CDH2: variants seen among roughly 807,000 people sequenced by gnomAD.
The protein encoded by CDH2 is cadherin-2.
CDH2 carries 17 observed loss-of-function variants against 92.0 expected under a neutral mutation model. The ratio of observed to expected loss-of-function variants is 0.18; its 90% confidence interval spans 0.13 to 0.28. The LOEUF is 0.28. Ranked by LOEUF, CDH2 falls within the 10% of genes least tolerant of loss-of-function variation. The pLI is 1.00. For synonymous variants in CDH2, 419 were observed against 415.9 expected (o/e 1.01, Z -0.09); for missense variants, 862 against 1,133.1 (o/e 0.76, Z 3.44).
At chr18:27,976,034 T>A (rs917687595) in intron 14 of CDH2, among the ~76,000 whole-genome samples, 1 of 152,072 alleles carries the variant, frequency 6.6e-6, no homozygotes, top group African/African-American at 2.4e-5. Flanking sequence ...GGGCAGGCCA[T>A]AGGTAGTTTT....
intron 2 of CDH2, among the ~76,000 whole-genome samples, chr18:28,091,164 T>C (rs1011375128): frequency 2.0e-5 from 3 of 152,192 alleles, no homozygotes; most frequent in African/African-American, 7.2e-5. Flanking sequence ...GTAATAACTA[T>C]ATGATTGCAA....
intron 9 of CDH2, among the ~76,000 whole-genome samples, chr18:27,992,237 T>A (rs747950743): frequency 1.3e-5 from 2 of 152,168 alleles, no homozygotes; most frequent in African/African-American, 2.4e-5. Context: ...TTAATAGCTA[T>A]CAATGGTGAT....
chr18:28,034,692 AC>A lies in CDH2; in HGVS notation c.173-20784del, dbSNP rs200456385. On this transcript the variant is annotated intron_variant, in intron 2 of 15. Coordinates refer to ENST00000269141, the MANE Select transcript of CDH2 (RefSeq NM_001792.5). Reference sequence around the variant, plus strand: ...AAAACAACAACCACAATAAAAAAAAACAAAAACAAAAACAAAACTCAAGCTT... The same window carrying A: ...AAAACAACAACCACAATAAAAAAAAAAAAAACAAAAACAAAACTCAAGCTT... Among the ~76,000 whole-genome samples the A allele has an allele frequency of 8.2e-3, 1,246 of 151,940 alleles. 18 individuals carry two copies. Among genetic ancestry groups the A allele is most frequent in the African/African-American group, 0.029 (1,196 of 41,336 alleles).
intron 2 of CDH2, among the ~76,000 whole-genome samples, chr18:28,120,243 T>C (rs2015564517): frequency 6.6e-6 from 1 of 152,010 alleles, no homozygotes; most frequent in Non-Finnish European, 1.5e-5. Flanking sequence ...GGCACATTCA[T>C]ATGGGTCATA....
intron 2 of CDH2, among the ~76,000 whole-genome samples, chr18:28,144,833 C>T (rs1028114530): frequency 2.6e-5 from 4 of 152,028 alleles, no homozygotes; most frequent in East Asian, 1.9e-4. Flanking sequence ...AAAAAACACA[C>T]GGTTAAAAAC....
chr18:28,136,157 A>G (rs2015858377), intron 2 of CDH2, among the ~76,000 whole-genome samples: 1 of 152,228 alleles, frequency 6.6e-6, no homozygotes, highest in South Asian at 2.1e-4. Flanking sequence ...CCTGACTTAT[A>G]GGGTTTCAAA....
chr18:28,007,165 A>AAAAAAAAATATATATATATATATAT (rs1172779200), intron 5 of CDH2, among the ~76,000 whole-genome samples: 2 of 110,500 alleles, frequency 1.8e-5, no homozygotes, highest in South Asian at 2.9e-4. Flanking sequence ...ATAAAAAAAA[A>AAAAAAAAATATATATATATATATAT]ATATATATAT....
chr18:27,978,434 T>C (rs983807703), intron 14 of CDH2, among the ~76,000 whole-genome samples: 5 of 152,196 alleles, frequency 3.3e-5, no homozygotes, highest in African/African-American at 1.2e-4. Context: ...TATGGCAATG[T>C]AGCACCGCAA....
Position 27,953,242 on chromosome 18 carries a change from A to G in CDH2, c.2515-883T>C, listed in dbSNP as rs975176731. The stretch of plus-strand genomic sequence containing the variant: ...CTGGTTCTTATAAAGAATTTTAAGA[A>G]AAAAGAAACAAGGAAATAACTACTA... On this transcript the variant is annotated intron_variant, in intron 15 of 15. Transcript: ENST00000269141. Among the ~76,000 whole-genome samples, 24 of 152,326 alleles carry G rather than the reference A, an allele frequency of 1.6e-4. No individual in the cohort carries two copies. In the East Asian group the frequency reaches 3.7e-3, roughly 23 times the overall value.
At chr18:27,963,762 T>G (rs988313516) in intron 14 of CDH2, 1 of 465,966 alleles carries the variant, frequency 2.1e-6, no homozygotes, top group Admixed American at 3.4e-5. Flanking sequence ...CTCATCAGTT[T>G]CCAATGAAAA....
chr18:28,025,982 A>G (rs555992609), intron 2 of CDH2, among the ~76,000 whole-genome samples: 145 of 152,276 alleles, frequency 9.5e-4, no homozygotes, highest in Non-Finnish European at 1.6e-3. Context: ...CCTAATTAAT[A>G]TCTTAATCAT....
At chr18:28,090,215 A>G (rs1004719311) in intron 2 of CDH2, among the ~76,000 whole-genome samples, 1 of 152,220 alleles carries the variant, frequency 6.6e-6, no homozygotes, top group Admixed American at 6.5e-5. Context: ...GTTGACTAAG[A>G]CAATGCCTAT....
At position 27,992,858 on chromosome 18, in the gene CDH2, C is replaced by T. The variant is rs757461376; in HGVS notation, c.1159-18G>A. On this transcript the variant is annotated intron_variant, in intron 8 of 15. Transcript: ENST00000269141. ...CCATAAAACTGCGAGAAAGACAAAC[C>T]TCAGTCAGAGGAGGGGCATGGACCA... The T allele has an allele frequency of 6.2e-7, 1 of 1,606,814 alleles. No homozygotes were observed. Among genetic ancestry groups the T allele is most frequent in the South Asian group, 1.1e-5 (1 of 90,106 alleles).
intron 14 of CDH2, among the ~76,000 whole-genome samples, chr18:27,979,753 G>A: frequency 9.6e-6 from 1 of 104,076 alleles, no homozygotes; most frequent in South Asian, 4.0e-4. Flanking sequence ...TCAAAAACAG[G>A]GGGTGCTAAT....
Position 27,952,926 on chromosome 18 carries a change from G to A in CDH2, c.2515-567C>T, listed in dbSNP as rs183537449. On this transcript the variant is annotated intron_variant, in intron 15 of 15. Transcript: ENST00000269141. The stretch of plus-strand genomic sequence containing the variant: ...AAATTCACATCAGCATTAAGAGCTA[G>A]GAGTTCAAAGAGAAAGTAGCATTGT... 5.3e-3 allele frequency among the ~76,000 whole-genome samples: 808 copies of A among 152,202 alleles called. 4 individuals carry two copies. Among genetic ancestry groups the A allele is most frequent in the African/African-American group, 0.018 (760 of 41,526 alleles).
At chr18:28,160,029 G>A (rs887139435) in intron 1 of CDH2, among the ~76,000 whole-genome samples, 1 of 152,098 alleles carries the variant, frequency 6.6e-6, no homozygotes, top group Non-Finnish European at 1.5e-5. Flanking sequence ...AGTTGGAGAG[G>A]TGGCTTTTAA....
chr18:28,046,930 T>C (rs2014088176), intron 2 of CDH2, among the ~76,000 whole-genome samples: 1 of 152,204 alleles, frequency 6.6e-6, no homozygotes, highest in African/African-American at 2.4e-5. Context: ...AAAGCAGCCT[T>C]AAGGCAGGTA....
intron 1 of CDH2, among the ~76,000 whole-genome samples, chr18:28,166,059 T>C (rs1027341487): frequency 2.0e-5 from 3 of 149,466 alleles, no homozygotes; most frequent in Non-Finnish European, 4.4e-5. Flanking sequence ...TCTGACATAG[T>C]GTGACGTTTG....
rs975669045 is a variant in CDH2, at chr18:28,053,101, C to A, written c.173-39192G>T. ...AGAAGAAGCCTTCAAAGAAACTAAA[C>A]CTGCTGGCACCTTGATCTCAGACTT... On this transcript the variant is annotated intron_variant, in intron 2 of 15. Coordinates refer to ENST00000269141, the MANE Select transcript of CDH2 (RefSeq NM_001792.5). 2.0e-5 allele frequency among the ~76,000 whole-genome samples: 3 copies of A among 152,104 alleles called. No homozygotes were observed. The East Asian group carries it at 5.8e-4, about 29-fold the overall frequency.
Sources: allele counts gnomAD v4.1 joint callset (sites outside exome capture counted in the v4.1 genomes callset), GRCh38; gene constraint gnomAD v4.1.1; transcripts MANE v1.5; gene names NCBI Gene and HGNC (gene_info 2026-07-23, HGNC 2026-07-21).